The following MED1 variants were observed in gnomAD, a reference collection of about 807,000 sequenced individuals.
The protein encoded by MED1 is mediator complex subunit 1, also known as mediator of RNA polymerase II transcription subunit 1.
Under a neutral mutation model 121.3 loss-of-function variants are expected in MED1, and 17 were observed. The ratio of observed to expected loss-of-function variants is 0.14; its 90% CI spans 0.10 to 0.21. The LOEUF (loss-of-function observed/expected upper bound fraction) is 0.21, where lower values mean the gene tolerates loss of function less well. MED1 is among the 10% of genes least tolerant of loss of function. The pLI, the probability that MED1 is intolerant of heterozygous loss-of-function variation, is 1.00. For missense variants in MED1, 1,558 were observed against 1,919.4 expected (o/e 0.81, Z 3.52); for synonymous variants, 661 against 694.4 (o/e 0.95, Z 0.76).
In MED1 at chr17:39,407,185, C is replaced by T. The variant is rs745947781; in HGVS notation, c.*290G>A. 7.4e-4 allele frequency: 730 copies of T among 987,564 alleles called. No homozygotes were observed. The highest frequency in any genetic ancestry group is 8.3e-4 in the Non-Finnish European group (691 of 829,144). The allele number at this position is 987,564 out of a possible 1,614,324, so 61.2% of individuals were successfully genotyped here. A position where few individuals can be genotyped will look rare whatever the true frequency, so the allele number is the denominator to read the frequency against. On this transcript the variant is annotated 3_prime_UTR_variant, in exon 17 of 17. Coordinates refer to ENST00000300651, the MANE Select transcript of MED1 (RefSeq NM_004774.4). The stretch of plus-strand genomic sequence containing the variant: ...TCCCACAAAACTGTTTCCCTCCCTT[C>T]CCTCTCCCTACACCCCTCCCACCCC...
At chr17:39,418,398 T>C (rs2048430390) in intron 14 of MED1, among the ~76,000 whole-genome samples, 1 of 151,720 alleles carries the variant, frequency 6.6e-6, no homozygotes, top group African/African-American at 2.4e-5. Context: ...CCAGGCTTGG[T>C]GGTACATGCC....
chr17:39,419,114 CTG>C lies in MED1; in HGVS notation c.1297+601_1297+602del, dbSNP rs140598248. Among the ~76,000 whole-genome samples the C allele has an allele frequency of 9.1e-3, 1,386 of 151,582 alleles. 17 individuals carry two copies. The highest frequency in any genetic ancestry group is 0.032 in the African/African-American group (1,309 of 41,300). On this transcript the variant is annotated intron_variant, in intron 14 of 16. Transcript: ENST00000300651. ...GTTTTGTTTTTGATTCAGGGTCTTACTGTGTTACCCAGGTTGGAGTGCAGTGG... is the reference window on the plus strand; with the variant it reads ...GTTTTGTTTTTGATTCAGGGTCTTACTGTTACCCAGGTTGGAGTGCAGTGG...
At chr17:39,428,254 G>A (rs2048533383) in intron 9 of MED1, among the ~76,000 whole-genome samples, 1 of 152,152 alleles carries the variant, frequency 6.6e-6, no homozygotes, top group Non-Finnish European at 1.5e-5. Flanking sequence ...GGAGGCCAAG[G>A]CAGGCGGATC....
intron 9 of MED1, among the ~76,000 whole-genome samples, chr17:39,428,223 G>T (rs2048533080): frequency 6.6e-6 from 1 of 152,122 alleles, no homozygotes; most frequent in South Asian, 2.1e-4. Context: ...GGTGGCTCAT[G>T]CCTGTAATCC....
chr17:39,451,031 C>A lies in MED1; in HGVS notation c.25+7G>T. 6.2e-7 allele frequency: 1 copy of A among 1,611,260 alleles called. No individual in the cohort carries two copies. The highest frequency in any genetic ancestry group is 1.1e-5 in the South Asian group (1 of 90,558). On this transcript the variant is annotated splice_region_variant and intron_variant, in intron 1 of 16. Coordinates refer to ENST00000300651, the MANE Select transcript of MED1 (RefSeq NM_004774.4). ...CCCGCCCCCTCCTTTCCCCTACAGT[C>A]ACTTACCCTCGGTTTCCCCCTGAGC...
chr17:39,434,272 A>G lies in MED1; in HGVS notation c.477T>C (p.Asn159=). Residue 159 remains asparagine (N), a synonymous_variant, in exon 7 of 17, where the codon AAT becomes AAC. Coordinates refer to ENST00000300651, the MANE Select transcript of MED1 (RefSeq NM_004774.4). ...ACTTGTCCCCTGGAAGGTTATACAGATTAACAAGGCCCTTAAGGTGCTTAG... is the reference window on the plus strand; with the variant it reads ...ACTTGTCCCCTGGAAGGTTATACAGGTTAACAAGGCCCTTAAGGTGCTTAG... ...EFSKHLKGLV[N]LYNLPGDNKL... 2 of 1,571,714 alleles carry G rather than the reference A, an allele frequency of 1.3e-6. No homozygotes were observed. The highest frequency in any genetic ancestry group is 1.7e-6 in the Non-Finnish European group (2 of 1,162,612).
At chr17:39,427,578 GTGT>G (rs2144745283) in intron 10 of MED1, 120 bp downstream of exon 10, 4 of 637,124 alleles carry the variant, frequency 6.3e-6, no homozygotes, top group Middle Eastern at 3.2e-4. Flanking sequence ...CGTGTGTGAG[GTGT>G]TGTGTGTATA....
chr17:39,447,667 TC>T, intron 2 of MED1, 130 bp downstream of exon 2: 1 of 580,280 alleles, frequency 1.7e-6, no homozygotes, highest in Non-Finnish European at 3.0e-6. Context: ...TACAATAGAC[TC>T]CTAAAGTTGA....
intron 2 of MED1, among the ~76,000 whole-genome samples, chr17:39,446,301 T>C (rs1357620404): frequency 6.6e-6 from 1 of 150,602 alleles, no homozygotes; most frequent in African/African-American, 2.4e-5. Flanking sequence ...ATACAAAAAG[T>C]TAGCCGGGAA....
intron 13 of MED1, 40 bp from the exon 14 acceptor site, chr17:39,419,958 C>G (rs1409205676): frequency 1.9e-6 from 3 of 1,565,062 alleles, no homozygotes; most frequent in Non-Finnish European, 2.6e-6. Flanking sequence ...ATTTAGTTAC[C>G]TATTGTATTC....
intron 6 of MED1, 109 bp downstream of exon 6, chr17:39,439,056 G>A: frequency 2.0e-6 from 2 of 1,023,456 alleles, no homozygotes; most frequent in Non-Finnish European, 1.5e-6. Flanking sequence ...CTTTGCCCAA[G>A]AAAATAAACT....
At chr17:39,410,804 T>G in intron 16 of MED1, 83 bp from the exon 17 acceptor site, 2 of 1,504,844 alleles carry the variant, frequency 1.3e-6, no homozygotes, top group Non-Finnish European at 1.8e-6. Flanking sequence ...ATCAGAGTTT[T>G]GCAGTAAGCA....
Position 39,447,800 on chromosome 17 carries a change from T to C in MED1, c.130A>G (p.Met44Val). The change falls in exon 2 of 17, where the codon ATG becomes GTG. Residue 44 changes from methionine to valine, a missense_variant and splice_region_variant. Met to Val is a conservative substitution (Grantham distance 21, BLOSUM62 1). This residue lies in a region of MED1 where 443 missense variants were observed against 532.4 expected (regional missense o/e 0.83). Transcript: ENST00000300651. The part of the protein sequence containing the change: ...SETIKLVRQV[M>V]EKRVVMSSGG... ...ACCCACTTCACCACAATCCTTACCA[T>C]GACTTGACGCACAAGCTTAATGGTT... The C allele has an allele frequency of 6.2e-7, 1 of 1,609,488 alleles. No individual in the cohort carries two copies. Among genetic ancestry groups the C allele is most frequent in the East Asian group, 2.2e-5 (1 of 44,842 alleles).
At chr17:39,434,663 T>C (rs962992018) in intron 6 of MED1, among the ~76,000 whole-genome samples, 1 of 152,134 alleles carries the variant, frequency 6.6e-6, no homozygotes, top group Non-Finnish European at 1.5e-5. Context: ...TTCTTTTCCC[T>C]TTTTATTAAT....
chr17:39,447,123 G>T (rs1003519676), intron 2 of MED1, among the ~76,000 whole-genome samples: 1 of 152,154 alleles, frequency 6.6e-6, no homozygotes, highest in Non-Finnish European at 1.5e-5. Flanking sequence ...GGACGCGGTG[G>T]CTCACGCCTG....
chr17:39,444,741 C>T (rs1156453827), intron 2 of MED1, among the ~76,000 whole-genome samples: 5 of 151,786 alleles, frequency 3.3e-5, no homozygotes, highest in African/African-American at 1.2e-4. Flanking sequence ...TGGTGGTACG[C>T]GCCTGTAGTC....
At chr17:39,412,849 T>A (rs1044152596) in intron 16 of MED1, among the ~76,000 whole-genome samples, 1 of 152,138 alleles carries the variant, frequency 6.6e-6, no homozygotes, top group Non-Finnish European at 1.5e-5. Flanking sequence ...ATTTTTCTTA[T>A]AAGGCCATAT....
At chr17:39,433,546 T>TATATATATATATATACATAC (rs540103395) in intron 7 of MED1, among the ~76,000 whole-genome samples, 1 of 150,448 alleles carries the variant, frequency 6.6e-6, no homozygotes, top group African/African-American at 2.4e-5. Flanking sequence ...TATATATATA[T>TATATATATATATATACATAC]ACACACATAT....
chr17:39,450,966 G>A (rs370020482), intron 1 of MED1, 72 bp downstream of exon 1: 204 of 1,458,722 alleles, frequency 1.4e-4, no homozygotes, highest in Non-Finnish European at 1.8e-4. Flanking sequence ...TGGGACATCT[G>A]CAAGAACCTC....
Sources: gnomAD v4.1 joint callset for allele counts (sites outside exome capture counted in the v4.1 genomes callset) on GRCh38, gnomAD v4.1.1 for gene constraint, gnomAD v4.1.1 regional missense constraint, MANE v1.5 for transcripts, NCBI Gene and HGNC (gene_info 2026-07-23, HGNC 2026-07-21) for gene names.